The following OR9Q1 variants were observed in gnomAD, a reference collection of about 807,000 sequenced individuals.
The protein encoded by OR9Q1 is olfactory receptor family 9 subfamily Q member 1.
For missense variants in OR9Q1, 374 were observed against 378.8 expected (o/e 0.99, Z 0.11); for synonymous variants, 153 against 148.6 (o/e 1.03, Z -0.22).
intron 2 of OR9Q1, among the ~76,000 whole-genome samples, chr11:58,142,559 C>T (rs1854260808): frequency 6.6e-6 from 1 of 152,138 alleles, no homozygotes; most frequent in South Asian, 2.1e-4. Flanking sequence ...AAAATTAGAT[C>T]AGCTTTTGCC....
chr11:58,065,218 G>A (rs1853417548), intron 2 of OR9Q1, among the ~76,000 whole-genome samples: 1 of 152,166 alleles, frequency 6.6e-6, no homozygotes, highest in African/African-American at 2.4e-5. Flanking sequence ...CAGGCACTCT[G>A]ATGTAGAAGA....
intron 2 of OR9Q1, among the ~76,000 whole-genome samples, chr11:58,168,328 G>A (rs573872948): frequency 4.4e-4 from 67 of 152,134 alleles, no homozygotes; most frequent in Admixed American, 6.5e-4. Flanking sequence ...CTCCATATTT[G>A]TGTCTCCAGA....
intron 2 of OR9Q1, among the ~76,000 whole-genome samples, chr11:58,084,896 C>T (rs1853620519): frequency 6.6e-6 from 1 of 151,726 alleles, no homozygotes; most frequent in Non-Finnish European, 1.5e-5. Flanking sequence ...TAAGGATGCC[C>T]ACTGTCACCA....
rs918017604 is a variant in OR9Q1, at chr11:58,125,733, C to T, written c.-14-53698C>T. On this transcript the variant is annotated intron_variant, in intron 2 of 2. Coordinates refer to ENST00000335397, the MANE Select transcript of OR9Q1 (RefSeq NM_001005212.4). ...GGGAGACCACACTTCAGCAGAGGCT[C>T]ATTATCTCAGCTTCTGCACACTTCT... 3.3e-5 allele frequency among the ~76,000 whole-genome samples: 5 copies of T among 152,228 alleles called. No individual in the cohort carries two copies. The South Asian group carries it at 1.0e-3, about 32-fold the overall frequency.
chr11:58,178,784 T>C (rs1297578868), intron 2 of OR9Q1, among the ~76,000 whole-genome samples: 6 of 151,498 alleles, frequency 4.0e-5, no homozygotes, highest in Admixed American at 4.0e-4. Context: ...GTCAACATGC[T>C]AAGATGACTC....
At chr11:58,031,253 T>C (rs2119911959) in intron 1 of OR9Q1, 1 of 1,614,206 alleles carries the variant, frequency 6.2e-7, no homozygotes, top group Middle Eastern at 1.6e-4. Flanking sequence ...TTATGCTGAT[T>C]GCCTATCCCA....
At chr11:58,109,054 G>C (rs1331197575) in intron 2 of OR9Q1, 1 of 466,004 alleles carries the variant, frequency 2.1e-6, no homozygotes, top group Non-Finnish European at 4.3e-6. Context: ...CATGCATTTT[G>C]CACAAAGGAG....
chr11:58,059,893 A>G (rs1853363754), intron 2 of OR9Q1: 1 of 152,100 alleles, frequency 6.6e-6, no homozygotes, highest in African/African-American at 2.4e-5. Flanking sequence ...ACATTACCCT[A>G]CTTACGAAGA....
At chr11:58,090,087 T>C (rs909194423) in intron 2 of OR9Q1, among the ~76,000 whole-genome samples, 7 of 152,338 alleles carry the variant, frequency 4.6e-5, no homozygotes, top group Middle Eastern at 3.4e-3. Context: ...TCATGTCATC[T>C]GCAAACAGAG....
intron 2 of OR9Q1, among the ~76,000 whole-genome samples, chr11:58,056,968 C>T (rs1187831851): frequency 6.7e-6 from 1 of 148,402 alleles, no homozygotes; most frequent in Non-Finnish European, 1.5e-5. Context: ...CCTAAGGCTT[C>T]CATGGTTATA....
At chr11:58,166,092 T>C (rs931963698) in intron 2 of OR9Q1, among the ~76,000 whole-genome samples, 105 of 152,318 alleles carry the variant, frequency 6.9e-4, no homozygotes, top group African/African-American at 2.5e-3. Context: ...CTTTTTTTAT[T>C]GCAATAGATG....
At chr11:58,173,119 ATTTTC>A (rs1195089395) in intron 2 of OR9Q1, among the ~76,000 whole-genome samples, 1 of 151,764 alleles carries the variant, frequency 6.6e-6, no homozygotes, top group Admixed American at 6.6e-5. Context: ...TGGTCATGGT[ATTTTC>A]TTTATTTTAT....
At chr11:58,044,413 T>C (rs1377591599) in intron 1 of OR9Q1, 1 of 152,134 alleles carries the variant, frequency 6.6e-6, no homozygotes, top group South Asian at 2.1e-4. Context: ...CCACAGGACG[T>C]TTTTCGTTGC....
chr11:58,142,804 G>A (rs192099224), intron 2 of OR9Q1, among the ~76,000 whole-genome samples: 2 of 152,014 alleles, frequency 1.3e-5, no homozygotes, highest in Non-Finnish European at 2.9e-5. Context: ...TGCTGGCTTT[G>A]TCTGTTAATG....
intron 2 of OR9Q1, among the ~76,000 whole-genome samples, chr11:58,174,035 T>C (rs1854580246): frequency 6.6e-6 from 1 of 151,996 alleles, no homozygotes; most frequent in Non-Finnish European, 1.5e-5. Context: ...TTTGAGAGGG[T>C]AGAATAAGAG....
chr11:58,059,512 A>G (rs1217348093), intron 2 of OR9Q1, among the ~76,000 whole-genome samples: 1 of 151,962 alleles, frequency 6.6e-6, no homozygotes, highest in Non-Finnish European at 1.5e-5. Flanking sequence ...CCTGGCCAGC[A>G]TGGTGAAACC....
At chr11:58,031,640 C>T in intron 1 of OR9Q1, 1 of 1,613,858 alleles carries the variant, frequency 6.2e-7, no homozygotes, top group South Asian at 1.1e-5. Context: ...CTGGACACTG[C>T]TGCACATCCG....
At chr11:58,135,472 G>C (rs1854180984) in intron 2 of OR9Q1, among the ~76,000 whole-genome samples, 2 of 152,118 alleles carry the variant, frequency 1.3e-5, no homozygotes, top group Admixed American at 6.5e-5. Context: ...AGCAGCCAAG[G>C]CATCTTGTAC....
At chr11:58,090,619 G>A (rs1324629434) in intron 2 of OR9Q1, among the ~76,000 whole-genome samples, 2 of 151,606 alleles carry the variant, frequency 1.3e-5, no homozygotes, top group Non-Finnish European at 3.0e-5. Flanking sequence ...TTTTTGTGGT[G>A]TGTCCAGATT....
Sources: gnomAD v4.1 joint callset for allele counts (sites outside exome capture counted in the v4.1 genomes callset) on GRCh38, gnomAD v4.1.1 for gene constraint, MANE v1.5 for transcripts, NCBI Gene and HGNC (gene_info 2026-07-23, HGNC 2026-07-21) for gene names.